Variants in ANKS1A observed in about 807,000 individuals in gnomAD.
ANKS1A encodes ankyrin repeat and SAM domain-containing protein 1A.
ANKS1A carries 55 observed loss-of-function variants against 120.3 expected under a neutral mutation model. The ratio of observed to expected loss-of-function variants is 0.46; its 90% CI spans 0.37 to 0.57. ANKS1A has a LOEUF of 0.57. Among genes scored for constraint, ANKS1A ranks in the 20% least tolerant of loss-of-function variants. ANKS1A has a pLI of 0.00. For synonymous variants in ANKS1A, 590 were observed against 604.7 expected, an observed-to-expected ratio of 0.98 and a Z score of 0.36; for missense variants, 1,123 against 1,480.3, an observed-to-expected ratio of 0.76 and a Z score of 3.96.
At chr6:34,983,277 A>T (rs537664963) in intron 6 of ANKS1A, 47 bp from the exon 7 acceptor site, 1 of 1,610,100 alleles carries the variant, frequency 6.2e-7, no homozygotes. Flanking sequence ...AGGCATTTGT[A>T]TTTGGTGCAG....
In ANKS1A at chr6:35,086,895, G is replaced by C. The variant is rs4276486; in HGVS notation, c.3304-57G>C. 288,815 of 1,548,750 alleles carry C rather than the reference G, an allele frequency of 0.19. 30,004 individuals carry two copies. The highest frequency in any genetic ancestry group is 0.21 in the Non-Finnish European group (237,305 of 1,121,176). On this transcript the variant is annotated intron_variant, in intron 22 of 23. Coordinates refer to ENST00000360359, the MANE Select transcript of ANKS1A (RefSeq NM_015245.3). The surrounding 1 kb of genome is among the most constrained non-coding windows in gnomAD (Gnocchi z 5.1). ...GGCCTGGGGGTGGGAGGGGCCTGCT[G>C]CCTCCAGCCCTGGCACAGAGCTCCC...
rs531555183 is a variant in ANKS1A, at chr6:34,889,697, G to C, written c.197+98G>C. On this transcript the variant is annotated intron_variant, in intron 1 of 23. Coordinates refer to ENST00000360359, the MANE Select transcript of ANKS1A (RefSeq NM_015245.3). This position sits in a 1 kb window ranked among gnomAD's most constrained non-coding sequence, Gnocchi z 5.5. ...AGATCGGGGGTCCTGAGACTCGGGC[G>C]GGGTGGGCTTGTGGCGTGCCCGGGG... 12 of 1,178,636 alleles carry C rather than the reference G, an allele frequency of 1.0e-5. No homozygotes were observed. Among genetic ancestry groups the C allele is most frequent in the Middle Eastern group, 6.9e-4 (2 of 2,916 alleles). 73.0% of individuals were successfully genotyped at this position (1,178,636 alleles called of 1,614,324 possible). A position where few individuals can be genotyped will look rare whatever the true frequency, so the allele number is the denominator to read the frequency against.
chr6:34,963,471 A>G (rs1362197327), intron 1 of ANKS1A, among the ~76,000 whole-genome samples: 1 of 152,206 alleles, frequency 6.6e-6, no homozygotes, highest in Non-Finnish European at 1.5e-5. Flanking sequence ...TTTCCTAAGG[A>G]AAGTATGTCA....
chr6:34,889,312 G>A lies in ANKS1A; in HGVS notation c.-91G>A. 1 of 1,223,882 alleles carries A rather than the reference G, an allele frequency of 8.2e-7. No individual in the cohort carries two copies. The highest frequency in any genetic ancestry group is 1.0e-6 in the Non-Finnish European group (1 of 983,116). 75.8% of individuals were successfully genotyped at this position (1,223,882 alleles called of 1,614,324 possible). ...GGGTGGTGTCCCCAGCCGGTTTGGGGGGTGCGTTGCCCGGAGACGGAAAGT... is the reference window on the plus strand; with the variant it reads ...GGGTGGTGTCCCCAGCCGGTTTGGGAGGTGCGTTGCCCGGAGACGGAAAGT... On this transcript the variant is annotated 5_prime_UTR_variant, in exon 1 of 24. Coordinates refer to ENST00000360359, the MANE Select transcript of ANKS1A (RefSeq NM_015245.3). The surrounding 1 kb of genome is among the most constrained non-coding windows in gnomAD (Gnocchi z 5.5).
downstream of ANKS1A, among the ~76,000 whole-genome samples, chr6:35,091,789 A>G (rs960075275): frequency 1.6e-4 from 24 of 152,334 alleles, no homozygotes; most frequent in African/African-American, 5.3e-4. Flanking sequence ...GCTGTGAAAG[A>G]AAGTGCTCTC....
intron 10 of ANKS1A, among the ~76,000 whole-genome samples, chr6:35,010,754 G>A: frequency 6.6e-6 from 1 of 152,108 alleles, no homozygotes. Flanking sequence ...TAATTTCTAA[G>A]GTAGGAGAGA....
Position 35,090,720 on chromosome 6 carries a change from C to A in ANKS1A, c.*2111C>A. 1.0e-6 allele frequency: 1 copy of A among 987,576 alleles called. No homozygotes were observed. The highest frequency in any genetic ancestry group is 1.2e-6 in the Non-Finnish European group (1 of 831,454). The allele number at this position is 987,576 out of a possible 1,614,324, so 61.2% of individuals were successfully genotyped here. On this transcript the variant is annotated 3_prime_UTR_variant, in exon 24 of 24. Coordinates refer to ENST00000360359, the MANE Select transcript of ANKS1A (RefSeq NM_015245.3). Reference sequence around the variant, plus strand: ...AAGGACAGGCTTCAAGTGGGAAGGCCCCTACTTTTGCACTTCTCCAAGTGC... The same window carrying A: ...AAGGACAGGCTTCAAGTGGGAAGGCACCTACTTTTGCACTTCTCCAAGTGC...
chr6:34,949,226 AT>A (rs1343606092), intron 1 of ANKS1A, among the ~76,000 whole-genome samples: 1 of 152,190 alleles, frequency 6.6e-6, no homozygotes, highest in Non-Finnish European at 1.5e-5. Flanking sequence ...TTTCACAAAG[AT>A]TAAGATGGGG....
chr6:35,083,823 C>T lies in ANKS1A; in HGVS notation c.2995-298C>T, dbSNP rs565205996. Among the ~76,000 whole-genome samples, 158 of 152,268 alleles carry T rather than the reference C, an allele frequency of 1.0e-3. 1 individual carries two copies. The highest frequency in any genetic ancestry group is 3.5e-3 in the African/African-American group (146 of 41,542). ...TCTCTGTGTGCCACCGTGTGGGATC[C>T]CACCTTCCTGACACCCTTCCCACTT... On this transcript the variant is annotated intron_variant, in intron 20 of 23. Coordinates refer to ENST00000360359, the MANE Select transcript of ANKS1A (RefSeq NM_015245.3).
chr6:35,016,782 AGAG>A (rs1457059325), intron 10 of ANKS1A, among the ~76,000 whole-genome samples: 17 of 97,616 alleles, frequency 1.7e-4, no homozygotes, highest in African/African-American at 3.7e-4. Context: ...AAAAAAAAAA[AGAG>A]AGAGAGAAAG....
chr6:35,077,180 C>T (rs1777406860), intron 13 of ANKS1A, among the ~76,000 whole-genome samples: 2 of 152,170 alleles, frequency 1.3e-5, no homozygotes. Context: ...AGTGTTAAGG[C>T]ACGCACCCTT....
chr6:34,973,850 TTCCCCTTGCCCTC>T (rs1771308283), intron 3 of ANKS1A, among the ~76,000 whole-genome samples: 1 of 104,518 alleles, frequency 9.6e-6, no homozygotes. Context: ...TCCCTTCCCC[TTCCCCTTGCCCTC>T]CCCTTCCCTT....
chr6:34,902,779 G>A (rs1236574607), intron 1 of ANKS1A, among the ~76,000 whole-genome samples: 1 of 136,648 alleles, frequency 7.3e-6, no homozygotes, highest in Non-Finnish European at 1.6e-5. Flanking sequence ...CTCCACCCCG[G>A]GCGACAAAGC....
chr6:35,087,360 C>T (rs1778051024), intron 23 of ANKS1A, among the ~76,000 whole-genome samples: 1 of 152,212 alleles, frequency 6.6e-6, no homozygotes, highest in Non-Finnish European at 1.5e-5. Flanking sequence ...CTGGAAGCCT[C>T]CACGGGCAGG....
chr6:35,075,968 C>A (rs1297888106), intron 13 of ANKS1A, among the ~76,000 whole-genome samples: 1 of 152,198 alleles, frequency 6.6e-6, no homozygotes, highest in Admixed American at 6.5e-5. Context: ...CTGCGTTGCC[C>A]AAGCTGGCCT....
At chr6:34,985,843 G>A (rs1439481408) in intron 8 of ANKS1A, among the ~76,000 whole-genome samples, 1 of 152,204 alleles carries the variant, frequency 6.6e-6, no homozygotes, top group Non-Finnish European at 1.5e-5. Flanking sequence ...ATTGAGATAA[G>A]AGGATGAGAA....
chr6:35,096,904 GA>G, the ANKS1A span, among the ~76,000 whole-genome samples: 16 of 148,952 alleles, frequency 1.1e-4, no homozygotes, highest in South Asian at 4.2e-4. Flanking sequence ...CTCTAAAAAA[GA>G]AAAAAAAAAC....
chr6:34,960,515 A>G (rs917630446), intron 1 of ANKS1A, among the ~76,000 whole-genome samples: 1 of 152,118 alleles, frequency 6.6e-6, no homozygotes, highest in Non-Finnish European at 1.5e-5. Flanking sequence ...CACCAAATAG[A>G]GTGGGCTGTT....
At position 34,993,707 on chromosome 6, in the gene ANKS1A, T is replaced by C. The variant is rs138487640; in HGVS notation, c.1303-595T>C. Among the ~76,000 whole-genome samples the C allele has an allele frequency of 4.6e-5, 7 of 152,368 alleles. No homozygotes were observed. In the East Asian group the frequency reaches 9.6e-4, roughly 21 times the overall value. ...TAAACGTCAAATGTTGAGGGTCAGT[T>C]GGAAGTCATTTTGGTTTCCTCTTGA... On this transcript the variant is annotated intron_variant, in intron 9 of 23. Transcript: ENST00000360359.
Sources: allele counts gnomAD v4.1 joint callset (sites outside exome capture counted in the v4.1 genomes callset), GRCh38; gene constraint gnomAD v4.1.1; non-coding constraint Gnocchi (gnomAD v3.1); transcripts MANE v1.5; gene names NCBI Gene and HGNC (gene_info 2026-07-23, HGNC 2026-07-21).